ATXN7L1: variants seen among roughly 807,000 people sequenced by gnomAD.
The protein encoded by ATXN7L1 is ataxin-7-like protein 1.
ATXN7L1 carries 15 observed loss-of-function variants against 70.8 expected under a neutral mutation model. The observed-to-expected ratio is 0.21, with a 90% confidence interval of 0.14 to 0.33. ATXN7L1 has a LOEUF of 0.33. Ranked by LOEUF, ATXN7L1 falls within the 10% of genes least tolerant of loss-of-function variation. The pLI is 1.00. For missense variants in ATXN7L1, 975 were observed against 1,097.1 expected (o/e 0.89, Z 1.57); for synonymous variants, 440 against 445.1 (o/e 0.99, Z 0.14).
At chr7:105,854,471 GA>G (rs59330079) in intron 2 of ATXN7L1, among the ~76,000 whole-genome samples, 22,489 of 97,330 alleles carry the variant, frequency 0.23, 1,848 homozygotes, top group East Asian at 0.34. Context: ...AATTAGCTCT[GA>G]AAAAAAAAAA....
chr7:105,741,776 G>A (rs2116362198), intron 3 of ATXN7L1, among the ~76,000 whole-genome samples: 1 of 152,324 alleles, frequency 6.6e-6, no homozygotes, highest in Non-Finnish European at 1.5e-5. Flanking sequence ...TAATCTGACT[G>A]TGTCATTACA....
At chr7:105,740,957 G>T (rs1797960741) in intron 3 of ATXN7L1, among the ~76,000 whole-genome samples, 1 of 151,772 alleles carries the variant, frequency 6.6e-6, no homozygotes, top group Non-Finnish European at 1.5e-5. Flanking sequence ...GTAGAGATGG[G>T]TTTTCACCAT....
chr7:105,794,796 T>C (rs960528662), intron 2 of ATXN7L1, among the ~76,000 whole-genome samples: 1 of 152,212 alleles, frequency 6.6e-6, no homozygotes, highest in Admixed American at 6.5e-5. Context: ...ACTGGAGTTC[T>C]TTCCAATGTC....
chr7:105,625,025 C>G (rs377666032), intron 7 of ATXN7L1, among the ~76,000 whole-genome samples: 4 of 152,284 alleles, frequency 2.6e-5, no homozygotes, highest in African/African-American at 9.6e-5. Flanking sequence ...TAAACAAGAT[C>G]AGGGCAATCA....
intron 3 of ATXN7L1, among the ~76,000 whole-genome samples, chr7:105,687,881 A>C (rs1183186990): frequency 6.6e-6 from 1 of 152,118 alleles, no homozygotes; most frequent in Non-Finnish European, 1.5e-5. Flanking sequence ...CCACACCACT[A>C]CCTCACTGAC....
intron 4 of ATXN7L1, among the ~76,000 whole-genome samples, chr7:105,652,900 C>T (rs548415644): frequency 6.6e-6 from 1 of 152,356 alleles, no homozygotes; most frequent in South Asian, 2.1e-4. Context: ...CCCTCAGGAG[C>T]ACCTTCCCTC....
intron 2 of ATXN7L1, among the ~76,000 whole-genome samples, chr7:105,849,297 G>A (rs548684271): frequency 1.7e-4 from 26 of 152,308 alleles, no homozygotes; most frequent in African/African-American, 5.3e-4. Flanking sequence ...CCCAGAGTCC[G>A]TCCCTACGTA....
At chr7:105,851,230 A>G (rs1201610328) in intron 2 of ATXN7L1, among the ~76,000 whole-genome samples, 1 of 152,138 alleles carries the variant, frequency 6.6e-6, no homozygotes, top group Non-Finnish European at 1.5e-5. Context: ...TGTCCAAATG[A>G]GCAAGCAGAG....
At chr7:105,673,468 C>T (rs1483631159) in intron 3 of ATXN7L1, among the ~76,000 whole-genome samples, 1 of 152,248 alleles carries the variant, frequency 6.6e-6, no homozygotes, top group Non-Finnish European at 1.5e-5. Context: ...TAGGCCAGCA[C>T]CTGGCTTACT....
intron 3 of ATXN7L1, among the ~76,000 whole-genome samples, chr7:105,727,777 T>TATATATATATATACACAC (rs1462125950): frequency 7.8e-5 from 7 of 90,244 alleles, no homozygotes; most frequent in Non-Finnish European, 1.4e-4. Flanking sequence ...TATATATATA[T>TATATATATATATACACAC]ACACACACAT....
rs543895235 is a variant in ATXN7L1, at chr7:105,833,823, T to C, written c.250+41989A>G. Among the ~76,000 whole-genome samples the C allele has an allele frequency of 1.3e-3, 191 of 152,310 alleles. 1 individual carries two copies. The highest frequency in any genetic ancestry group is 2.1e-3 in the Non-Finnish European group (141 of 68,026). ...ATTATTGGATGAAGAAGAGGGGGTA[T>C]AGATGATAAAACAAATATAATAAAA... On this transcript the variant is annotated intron_variant, in intron 2 of 11. Transcript: ENST00000419735.
At chr7:105,696,394 G>A (rs557651368) in intron 3 of ATXN7L1, among the ~76,000 whole-genome samples, 15 of 152,250 alleles carry the variant, frequency 9.9e-5, no homozygotes, top group Non-Finnish European at 1.6e-4. Context: ...ACGGAAACTC[G>A]TTTGCTTGCA....
intron 2 of ATXN7L1, among the ~76,000 whole-genome samples, chr7:105,792,251 G>T (rs963688407): frequency 6.6e-6 from 1 of 152,204 alleles, no homozygotes; most frequent in African/African-American, 2.4e-5. Flanking sequence ...TGTCAACCTT[G>T]TACGTGTCTG....
chr7:105,613,552 G>GA, intron 10 of ATXN7L1: 1 of 1,295,298 alleles, frequency 7.7e-7, no homozygotes, highest in Non-Finnish European at 9.9e-7. Flanking sequence ...GGGGAACTCA[G>GA]AATCTCTCTG....
At chr7:105,815,797 C>A (rs527497531) in intron 2 of ATXN7L1, among the ~76,000 whole-genome samples, 3 of 152,300 alleles carry the variant, frequency 2.0e-5, no homozygotes, top group African/African-American at 7.2e-5. Context: ...TAGGGAATCA[C>A]AAGTCTAGGC....
intron 3 of ATXN7L1, among the ~76,000 whole-genome samples, chr7:105,703,648 T>A (rs1475129492): frequency 6.6e-6 from 1 of 152,212 alleles, no homozygotes; most frequent in African/African-American, 2.4e-5. Flanking sequence ...CCCACCCTTG[T>A]ATAAACAGGT....
intron 3 of ATXN7L1, among the ~76,000 whole-genome samples, chr7:105,734,561 CGCCCTCCTT>C (rs1563050481): frequency 6.6e-6 from 1 of 152,066 alleles, no homozygotes; most frequent in African/African-American, 2.4e-5. Context: ...CAGCTCTTCC[CGCCCTCCTT>C]GCCCTCCAGC....
chr7:105,645,985 C>T (rs1326056513), intron 4 of ATXN7L1, among the ~76,000 whole-genome samples: 3 of 149,636 alleles, frequency 2.0e-5, no homozygotes, highest in African/African-American at 5.0e-5. Flanking sequence ...CCCACCCGGG[C>T]GACAGAGCGA....
At chr7:105,791,611 T>C (rs891341062) in intron 2 of ATXN7L1, among the ~76,000 whole-genome samples, 1 of 152,234 alleles carries the variant, frequency 6.6e-6, no homozygotes, top group Non-Finnish European at 1.5e-5. Flanking sequence ...ATCCAAGTTC[T>C]CCGAAGATAC....
Sources: allele counts gnomAD v4.1 joint callset (sites outside exome capture counted in the v4.1 genomes callset), GRCh38; gene constraint gnomAD v4.1.1; transcripts MANE v1.5; gene names NCBI Gene and HGNC (gene_info 2026-07-23, HGNC 2026-07-21).